Variants in HOXA13 observed in about 807,000 individuals in gnomAD.
The protein encoded by HOXA13 is homeobox A13.
In HOXA13, 5 loss-of-function variants were observed where a neutral mutation model predicts 25.7. That is an observed-to-expected ratio of 0.19 (90% CI 0.10 to 0.41). The LOEUF is 0.41. HOXA13 is among the 10% of genes least tolerant of loss of function. The pLI is 1.00. For synonymous variants in HOXA13, 284 were observed against 241.1 expected, an observed-to-expected ratio of 1.18 and a Z score of -1.65; for missense variants, 557 against 533.5, an observed-to-expected ratio of 1.04 and a Z score of -0.43.
Position 27,199,925 on chromosome 7 carries a change from GGCAGCCGCCGCC to G in HOXA13, c.141_152del (p.Ala48_Ala51del), listed in dbSNP as rs1784073560. On this transcript the variant is annotated inframe_deletion, in exon 1 of 2. Coordinates refer to ENST00000649031, the MANE Select transcript of HOXA13 (RefSeq NM_000522.5). ...GGGGGAAGCCCCCGCCCCCGGCCCC[GGCAGCCGCCGCC>G]GCTGCAGCCGCTGCTGCAGCCGCCG... 1 of 1,223,496 alleles carries G rather than the reference GGCAGCCGCCGCC, an allele frequency of 8.2e-7. No homozygotes were observed. The highest frequency in any genetic ancestry group is 1.6e-5 in the African/African-American group (1 of 61,776). The allele number at this position is 1,223,496 out of a possible 1,614,324, so 75.8% of individuals were successfully genotyped here. A position where few individuals can be genotyped will look rare whatever the true frequency, so the allele number is the denominator to read the frequency against.
Position 27,199,295 on chromosome 7 carries a change from G to C in HOXA13, c.783C>G (p.Pro261=), listed in dbSNP as rs751372202. The change falls in exon 1 of 2, where the codon CCC becomes CCG. Residue 261 remains proline (P), a synonymous_variant. Coordinates refer to ENST00000649031, the MANE Select transcript of HOXA13 (RefSeq NM_000522.5). ...CCAAGGGTTCGTGGCGCGACTCGCC[G>C]GGGCCCCCGAGGCCCGGCACCACTG... ...DMPVVPGLGG[P]GESRHEPLGL... is the part of the protein sequence containing the mutation. 5.0e-6 allele frequency: 8 copies of C among 1,613,904 alleles called. No homozygotes were observed. The highest frequency in any genetic ancestry group is 1.1e-5 in the South Asian group (1 of 91,086).
chr7:27,197,307 A>G lies in HOXA13; in HGVS notation c.*891T>C. On this transcript the variant is annotated 3_prime_UTR_variant, in exon 2 of 2. Coordinates refer to ENST00000649031, the MANE Select transcript of HOXA13 (RefSeq NM_000522.5). The stretch of plus-strand genomic sequence containing the variant: ...ATATTGGGAAATGCCAATTCAAATG[A>G]AAAAACGAATTGTGTTCAAACCAAA... The G allele has an allele frequency of 4.7e-6, 1 of 211,396 alleles. No individual in the cohort carries two copies. Among genetic ancestry groups the G allele is most frequent in the Non-Finnish European group, 9.6e-6 (1 of 104,038 alleles). The allele number at this position is 211,396 out of a possible 1,614,324, so 13.1% of individuals were successfully genotyped here.
chr7:27,199,047 G>T, intron 1 of HOXA13, 109 bp downstream of exon 1: 1 of 1,081,442 alleles, frequency 9.2e-7, no homozygotes, highest in Non-Finnish European at 1.3e-6. Context: ...AGAGCCGCTA[G>T]GGCAGACCAG....
In HOXA13 at chr7:27,200,031, A is replaced by G. The variant is rs778036975; in HGVS notation, c.47T>C (p.Val16Ala). 1.3e-6 allele frequency: 2 copies of G among 1,486,004 alleles called. No individual in the cohort carries two copies. Among genetic ancestry groups the G allele is most frequent in the Non-Finnish European group, 1.8e-6 (2 of 1,103,774 alleles). 92.1% of individuals were successfully genotyped at this position (1,486,004 alleles called of 1,614,324 possible). A position where few individuals can be genotyped will look rare whatever the true frequency, so the allele number is the denominator to read the frequency against. ...GCCGCCGTTGTCGTAGAGAAACATG[A>G]CGGTGGGCTCGATCCAGCGGGGGTG... ...LLHPRWIEPT[V>A]MFLYDNGGGL... The change falls in exon 1 of 2, where the codon GTC becomes GCC. Residue 16 changes from valine (V) to alanine (A), a missense_variant. Coordinates refer to ENST00000649031, the MANE Select transcript of HOXA13 (RefSeq NM_000522.5).
chr7:27,199,760 G>A lies in HOXA13; in HGVS notation c.318C>T (p.Ser106=), dbSNP rs1444337275. ...ACGGGGGCGCCTCCCCGGGGGCGCT[G>A]CTGTAGGCGGACGCGGCTCCTGGCG... ...PLAPGAASAY[S]SAPGEAPPSA... The change falls in exon 1 of 2, where the codon AGC becomes AGT. Residue 106 remains serine, a synonymous_variant. Transcript: ENST00000649031. 2 of 1,016,654 alleles carry A rather than the reference G, an allele frequency of 2.0e-6. No homozygotes were observed. The highest frequency in any genetic ancestry group is 2.4e-6 in the Non-Finnish European group (2 of 845,078). The allele number at this position is 1,016,654 out of a possible 1,614,324, so 63.0% of individuals were successfully genotyped here. A position where few individuals can be genotyped will look rare whatever the true frequency, so the allele number is the denominator to read the frequency against.
In HOXA13 at chr7:27,198,234, C is replaced by G. The variant is rs2115471090; in HGVS notation, c.1131G>C (p.Glu377Asp). 6.2e-7 allele frequency: 1 copy of G among 1,614,084 alleles called. No homozygotes were observed. The highest frequency in any genetic ancestry group is 1.1e-5 in the South Asian group (1 of 91,076). ...TTTTCAGTTTGTTGATGACTTTTTTCTCTTTAACCCTCCTGTTCTGGAACC... is the reference window on the plus strand; with the variant it reads ...TTTTCAGTTTGTTGATGACTTTTTTGTCTTTAACCCTCCTGTTCTGGAACC... ...TIWFQNRRVK[E>D]KKVINKLKTT... The change falls in exon 2 of 2, where the codon GAG (glutamate) becomes GAC (aspartate). Residue 377 changes from glutamate (E) to aspartate (D), a missense_variant. Coordinates refer to ENST00000649031, the MANE Select transcript of HOXA13 (RefSeq NM_000522.5).
chr7:27,199,228 C>A lies in HOXA13; in HGVS notation c.850G>T (p.Gly284Cys), dbSNP rs772451529. Residue 284 changes from glycine to cysteine, a missense_variant, in exon 1 of 2, where the codon GGC (glycine) becomes TGC (cysteine). By Grantham distance (159) the Gly-to-Cys change is radical (BLOSUM62 -3). Coordinates refer to ENST00000649031, the MANE Select transcript of HOXA13 (RefSeq NM_000522.5). ...GGGCAGTACATTTGGCCGTTCCAGC[C>A]GTTGGGCAGCGCCCAGGGCTGGTAG... ...ESYQPWALPN[G>C]WNGQMYCPKE... is the part of the protein sequence containing the mutation. 33 of 1,613,598 alleles carry A rather than the reference C, an allele frequency of 2.0e-5. No homozygotes were observed. Among genetic ancestry groups the A allele is most frequent in the Non-Finnish European group, 2.7e-5 (32 of 1,179,810 alleles).
In HOXA13 at chr7:27,195,477, A is replaced by C. The variant is rs997367680; in HGVS notation, c.*2721T>G. The C allele has an allele frequency of 6.6e-6, 1 of 152,244 alleles. No individual in the cohort carries two copies. The highest frequency in any genetic ancestry group is 1.5e-5 in the Non-Finnish European group (1 of 68,038). The allele number at this position is 152,244 out of a possible 1,614,324, so 9.4% of individuals were successfully genotyped here. A position where few individuals can be genotyped will look rare whatever the true frequency, so the allele number is the denominator to read the frequency against. On this transcript the variant is annotated 3_prime_UTR_variant, in exon 2 of 2. Transcript: ENST00000649031. ...CAAAAACACATTATCCTATGTGTATATTAAATATACAAACATACATATGTA... is the reference window on the plus strand; with the variant it reads ...CAAAAACACATTATCCTATGTGTATCTTAAATATACAAACATACATATGTA...
At position 27,195,627 on chromosome 7, in the gene HOXA13, T is replaced by G. The variant is rs547329713; in HGVS notation, c.*2571A>C. ...ATATTTATTTATCCTACAAATCAAA[T>G]GGCAGATTCACAAGCATCAATATAA... On this transcript the variant is annotated 3_prime_UTR_variant, in exon 2 of 2. Coordinates refer to ENST00000649031, the MANE Select transcript of HOXA13 (RefSeq NM_000522.5). 1 of 152,326 alleles carries G rather than the reference T, an allele frequency of 6.6e-6. No individual in the cohort carries two copies. The highest frequency in any genetic ancestry group is 2.4e-5 in the African/African-American group (1 of 41,560). The allele number at this position is 152,326 out of a possible 1,614,324, so 9.4% of individuals were successfully genotyped here. A position where few individuals can be genotyped will look rare whatever the true frequency, so the allele number is the denominator to read the frequency against.
chr7:27,199,313 C>T lies in HOXA13; in HGVS notation c.765G>A (p.Val255=). The change falls in exon 1 of 2, where the codon GTG becomes GTA. Residue 255 remains valine, a synonymous_variant. Transcript: ENST00000649031. Reference sequence around the variant, plus strand: ...ACTCGCCGGGGCCCCCGAGGCCCGGCACCACTGGCATATCCAGGTAGCCAG... The same window carrying T: ...ACTCGCCGGGGCCCCCGAGGCCCGGTACCACTGGCATATCCAGGTAGCCAG... ...PMPGYLDMPV[V]PGLGGPGESR... 1.2e-6 allele frequency: 2 copies of T among 1,614,060 alleles called. No homozygotes were observed. Among genetic ancestry groups the T allele is most frequent in the African/African-American group, 1.3e-5 (1 of 75,050 alleles).
Position 27,200,059 on chromosome 7 carries a change from G to T in HOXA13, c.19C>A (p.Leu7Ile). The T allele has an allele frequency of 1.4e-6, 2 of 1,473,816 alleles. No individual in the cohort carries two copies. The highest frequency in any genetic ancestry group is 9.1e-7 in the Non-Finnish European group (1 of 1,096,022). The allele number at this position is 1,473,816 out of a possible 1,614,324, so 91.3% of individuals were successfully genotyped here. Residue 7 changes from leucine (L) to isoleucine (I), a missense_variant, in exon 1 of 2, where the codon CTC (leucine) becomes ATC (isoleucine). Physicochemically the swap from Leu to Ile is conservative, Grantham distance 5 (BLOSUM62 2). Coordinates refer to ENST00000649031, the MANE Select transcript of HOXA13 (RefSeq NM_000522.5). ...GTGGGCTCGATCCAGCGGGGGTGGA[G>T]GAGCACGGAGGCTGTCATAGCCCGA... MTASVL[L>I]HPRWIEPTVM...
chr7:27,198,292 G>A lies in HOXA13; in HGVS notation c.1073C>T (p.Thr358Met), dbSNP rs757876762. Residue 358 changes from threonine (T) to methionine (M), a missense_variant, in exon 2 of 2, where the codon ACG (threonine) becomes ATG (methionine). Transcript: ENST00000649031. ...TKDKRRRISA[T>M]TNLSERQVTI... ...GACCTGCCGCTCAGAGAGATTCGTC[G>A]TGGCTGATATCCGCCTCCGTTTGTC... The A allele has an allele frequency of 5.6e-6, 9 of 1,614,118 alleles. No homozygotes were observed. The highest frequency in any genetic ancestry group is 7.6e-6 in the Non-Finnish European group (9 of 1,180,030).
At position 27,199,531 on chromosome 7, in the gene HOXA13, G is replaced by A; in HGVS notation, c.547C>T (p.Arg183Cys). 1 of 1,589,492 alleles carries A rather than the reference G, an allele frequency of 6.3e-7. No individual in the cohort carries two copies. Among genetic ancestry groups the A allele is most frequent in the Non-Finnish European group, 8.6e-7 (1 of 1,169,112 alleles). ...ATGGCGTTGGGGTGCGGGCCCATGC[G>A]GGCGCACGGGTAGTAGCCGCTGCCG... ...YFGSGYYPCA[R>C]MGPHPNAIKS... is the part of the protein sequence containing the mutation. The change falls in exon 1 of 2, where the codon CGC (arginine) becomes TGC (cysteine). Residue 183 changes from arginine (R) to cysteine (C), a missense_variant. Physicochemically the swap from Arg to Cys is radical, Grantham distance 180 (BLOSUM62 -3). Transcript: ENST00000649031.
intron 1 of HOXA13, 41 bp from the exon 2 acceptor site, chr7:27,198,483 C>G (rs1342973897): frequency 6.2e-7 from 1 of 1,611,016 alleles, no homozygotes; most frequent in Admixed American, 1.7e-5. Context: ...AGGGATCGGA[C>G]CCCAGCCAGG....
rs199530619 is a variant in HOXA13 at position 27,198,148 on chromosome 7, G to A, written c.*50C>T. 3.1e-6 allele frequency: 5 copies of A among 1,598,698 alleles called. No homozygotes were observed. Among genetic ancestry groups the A allele is most frequent in the Middle Eastern group, 1.7e-4 (1 of 6,036 alleles). On this transcript the variant is annotated 3_prime_UTR_variant, in exon 2 of 2. Coordinates refer to ENST00000649031, the MANE Select transcript of HOXA13 (RefSeq NM_000522.5). ...ATTATCATTATCTGGGCAAAGCAAC[G>A]AGTTCTGAAGCGTTTCTTCAAGTTG...
At position 27,199,922 on chromosome 7, in the gene HOXA13, C is replaced by T. The variant is rs1162297523; in HGVS notation, c.156G>A (p.Gly52=). 10 of 1,231,054 alleles carry T rather than the reference C, an allele frequency of 8.1e-6. No homozygotes were observed. The highest frequency in any genetic ancestry group is 2.3e-5 in the South Asian group (1 of 43,512). 76.3% of individuals were successfully genotyped at this position (1,231,054 alleles called of 1,614,324 possible). A position where few individuals can be genotyped will look rare whatever the true frequency, so the allele number is the denominator to read the frequency against. ...AAAAAAAAAA[G]AGGGGFPHPA... The stretch of plus-strand genomic sequence containing the variant: ...GGTGGGGGAAGCCCCCGCCCCCGGC[C>T]CCGGCAGCCGCCGCCGCTGCAGCCG... Residue 52 remains glycine (G), a synonymous_variant, in exon 1 of 2, where the codon GGG becomes GGA. Coordinates refer to ENST00000649031, the MANE Select transcript of HOXA13 (RefSeq NM_000522.5).
rs17472455 is a variant in HOXA13 at position 27,198,578 on chromosome 7, T to C, written c.923-136A>G. On this transcript the variant is annotated intron_variant, in intron 1 of 1. Coordinates refer to ENST00000649031, the MANE Select transcript of HOXA13 (RefSeq NM_000522.5). ...CCCGCTGTACAATCCTGTCTTCTGC[T>C]AAAGCCTAGAGGGTCAGTGGGGAAG... 1,998 of 1,056,356 alleles carry C rather than the reference T, an allele frequency of 1.9e-3. 20 individuals are homozygous for C. In the African/African-American group the frequency reaches 0.023, roughly 12 times the overall value. 65.4% of individuals were successfully genotyped at this position (1,056,356 alleles called of 1,614,324 possible).
rs1352603710 is a variant in HOXA13 at position 27,196,397 on chromosome 7, TCCAGCTAAGG to T, written c.*1791_*1800del. 12 of 152,188 alleles carry T rather than the reference TCCAGCTAAGG, an allele frequency of 7.9e-5. No individual in the cohort carries two copies. The highest frequency in any genetic ancestry group is 2.9e-4 in the African/African-American group (12 of 41,448). The allele number at this position is 152,188 out of a possible 1,614,324, so 9.4% of individuals were successfully genotyped here. On this transcript the variant is annotated 3_prime_UTR_variant, in exon 2 of 2. Transcript: ENST00000649031. ...CGAGGTGGCGCCCTTGATCTACTAA[TCCAGCTAAGG>T]CCAATTCATGAGCTGTCAAAAGTCA...
In HOXA13 at chr7:27,195,862, C is replaced by T. The variant is rs1434619907; in HGVS notation, c.*2336G>A. On this transcript the variant is annotated 3_prime_UTR_variant, in exon 2 of 2. Transcript: ENST00000649031. ...TGAATCTTAATTTGCTGTAAAGACT[C>T]CTCAATAGCTCTAATTACAGTGTGA... 1 of 152,184 alleles carries T rather than the reference C, an allele frequency of 6.6e-6. No individual in the cohort carries two copies. The highest frequency in any genetic ancestry group is 1.5e-5 in the Non-Finnish European group (1 of 68,024). 9.4% of individuals were successfully genotyped at this position (152,184 alleles called of 1,614,324 possible).
Sources: allele counts gnomAD v4.1 joint callset, GRCh38; gene constraint gnomAD v4.1.1; transcripts MANE v1.5; gene names NCBI Gene and HGNC (gene_info 2026-07-23, HGNC 2026-07-21).